CPEB1: variants seen among roughly 807,000 people sequenced by gnomAD.
The protein encoded by CPEB1 is cytoplasmic polyadenylation element-binding protein 1.
In CPEB1, 7 loss-of-function variants were observed where a neutral mutation model predicts 65.8. The ratio of observed to expected loss-of-function variants is 0.11; its 90% CI spans 0.06 to 0.20. The LOEUF is 0.20. Among genes scored for constraint, CPEB1 ranks in the 10% least tolerant of loss-of-function variants. The pLI is 1.00. For missense variants in CPEB1, 551 were observed against 712.2 expected, an observed-to-expected ratio of 0.77 and a Z score of 2.58; for synonymous variants, 262 against 260.0, an observed-to-expected ratio of 1.01 and a Z score of -0.08.
chr15:82,615,191 G>A (rs1009166379), intron 3 of CPEB1, among the ~76,000 whole-genome samples: 2 of 151,974 alleles, frequency 1.3e-5, no homozygotes, highest in African/African-American at 2.4e-5. Context: ...ATTATGAAAC[G>A]GACAATGTTT....
Position 82,556,478 on chromosome 15 carries a change from T to C in CPEB1, c.688-356A>G, listed in dbSNP as rs115979648. 103 of 178,358 alleles carry C rather than the reference T, an allele frequency of 5.8e-4. 1 individual carries two copies. Among genetic ancestry groups the C allele is most frequent in the African/African-American group, 2.4e-3 (101 of 41,974 alleles). 11.0% of individuals were successfully genotyped at this position (178,358 alleles called of 1,614,324 possible). On this transcript the variant is annotated intron_variant, in intron 5 of 12. Coordinates refer to ENST00000684509, the MANE Select transcript of CPEB1 (RefSeq NM_001365242.1). The stretch of plus-strand genomic sequence containing the variant: ...TAAAAATTAAGATGTAGCTTCTTCA[T>C]ATTTTGTGTTTTCTTTGGTCAGATT...
chr15:82,592,095 G>C (rs2042301294), intron 3 of CPEB1, among the ~76,000 whole-genome samples: 1 of 151,864 alleles, frequency 6.6e-6, no homozygotes. Flanking sequence ...GCCCGCCTCA[G>C]CCTCCCAAAG....
chr15:82,622,441 A>C (rs2045385648), intron 3 of CPEB1, among the ~76,000 whole-genome samples: 1 of 152,020 alleles, frequency 6.6e-6, no homozygotes. Flanking sequence ...GCACTCTATC[A>C]CCCAGGCTGG....
intron 3 of CPEB1, among the ~76,000 whole-genome samples, chr15:82,575,804 GTCAA>G (rs970035751): frequency 2.6e-4 from 40 of 152,088 alleles, no homozygotes; most frequent in Admixed American, 1.6e-3. Context: ...ATTTGATGTT[GTCAA>G]TCAAAGCTTC....
intron 3 of CPEB1, among the ~76,000 whole-genome samples, chr15:82,587,975 G>A (rs1448243816): frequency 6.6e-6 from 1 of 152,134 alleles, no homozygotes; most frequent in Non-Finnish European, 1.5e-5. Context: ...AGGCTGGAAT[G>A]CAGTGGTGTG....
intron 3 of CPEB1, among the ~76,000 whole-genome samples, chr15:82,584,794 A>T: frequency 6.6e-6 from 1 of 151,760 alleles, no homozygotes; most frequent in East Asian, 1.9e-4. Context: ...TAGTGTGTTC[A>T]AAATATTTAA....
intron 1 of CPEB1, among the ~76,000 whole-genome samples, chr15:82,646,404 A>G (rs929213245): frequency 6.6e-5 from 10 of 152,142 alleles, no homozygotes; most frequent in African/African-American, 2.4e-4. Context: ...GACCAAGGGA[A>G]GCGGTTGCCA....
At chr15:82,609,453 A>T (rs1361029724) in intron 3 of CPEB1, among the ~76,000 whole-genome samples, 1 of 151,980 alleles carries the variant, frequency 6.6e-6, no homozygotes, top group Non-Finnish European at 1.5e-5. Context: ...GTGAGCTGTG[A>T]TCACGCCACT....
chr15:82,626,177 T>C (rs976220305), intron 3 of CPEB1, among the ~76,000 whole-genome samples: 12 of 151,562 alleles, frequency 7.9e-5, no homozygotes, highest in African/African-American at 2.9e-4. Context: ...GGCTCACACC[T>C]ATAATCCCAG....
chr15:82,647,744 C>T (rs1388668171), upstream of CPEB1: 5 of 1,014,836 alleles, frequency 4.9e-6, no homozygotes, highest in African/African-American at 5.1e-5. Context: ...GGGACTCGCC[C>T]GCACGGGGCG....
chr15:82,617,453 C>G (rs2044831178), intron 3 of CPEB1, among the ~76,000 whole-genome samples: 1 of 152,160 alleles, frequency 6.6e-6, no homozygotes, highest in Admixed American at 6.5e-5. Flanking sequence ...TAAGGGAAGT[C>G]TGAGAAACTG....
At chr15:82,614,879 GTATA>G (rs201830435) in intron 3 of CPEB1, among the ~76,000 whole-genome samples, 1,460 of 113,304 alleles carry the variant, frequency 0.013, 15 homozygotes, top group Middle Eastern at 0.05. Flanking sequence ...GTGTGTGTGT[GTATA>G]TATATATATG....
intron 3 of CPEB1, among the ~76,000 whole-genome samples, chr15:82,585,289 A>G (rs1018296342): frequency 3.3e-5 from 5 of 152,174 alleles, no homozygotes; most frequent in Admixed American, 2.0e-4. Context: ...ACGTTTGGAA[A>G]CTAGACCACA....
At chr15:82,545,881 C>CA (rs2035099009) in intron 12 of CPEB1, among the ~76,000 whole-genome samples, 1 of 152,180 alleles carries the variant, frequency 6.6e-6, no homozygotes, top group Admixed American at 6.5e-5. Flanking sequence ...CCATCATCTA[C>CA]AAAACCACCT....
chr15:82,640,983 G>GT (rs1378202047), intron 1 of CPEB1: 6 of 152,186 alleles, frequency 3.9e-5, no homozygotes, highest in African/African-American at 1.4e-4. Flanking sequence ...CACAGCAGAG[G>GT]TAAGAGTGTA....
At chr15:82,646,731 A>C (rs1368987580) in intron 1 of CPEB1, among the ~76,000 whole-genome samples, 1 of 152,222 alleles carries the variant, frequency 6.6e-6, no homozygotes, top group Non-Finnish European at 1.5e-5. Context: ...GGAATGAGGC[A>C]GCAAAGCCTC....
rs758545052 is a variant in CPEB1, at chr15:82,549,572, G to A, written c.1368C>T (p.Val456=). ...QRLDPSRTVF[V]GALHGMLNAE... ...CATTTAGCATTCCATGCAGAGCACC[G>A]ACAAACACCGTCCTGCTGGGGTCAA... Residue 456 remains valine (V), a synonymous_variant, in exon 10 of 13, where the codon GTC becomes GTT. Transcript: ENST00000684509. The A allele has an allele frequency of 2.1e-5, 34 of 1,614,018 alleles. No individual in the cohort carries two copies. The highest frequency in any genetic ancestry group is 1.6e-4 in the Middle Eastern group (1 of 6,084).
chr15:82,570,936 G>A (rs573249496), intron 4 of CPEB1, among the ~76,000 whole-genome samples: 7 of 152,232 alleles, frequency 4.6e-5, no homozygotes, highest in Admixed American at 3.9e-4. Context: ...AAACCACTGA[G>A]TAATTCTGGT....
intron 3 of CPEB1, among the ~76,000 whole-genome samples, chr15:82,604,171 A>G (rs1159435610): frequency 6.6e-6 from 1 of 152,184 alleles, no homozygotes; most frequent in Non-Finnish European, 1.5e-5. Flanking sequence ...CAACATAGCA[A>G]GGCTCCATTG....
Sources: gnomAD v4.1 joint callset for allele counts (sites outside exome capture counted in the v4.1 genomes callset) on GRCh38, gnomAD v4.1.1 for gene constraint, MANE v1.5 for transcripts, NCBI Gene and HGNC (gene_info 2026-07-23, HGNC 2026-07-21) for gene names.